EIF4G3: variants seen among roughly 807,000 people sequenced by gnomAD.
The protein encoded by EIF4G3 is eIF-4-gamma 3.
A neutral mutation model predicts 186.4 loss-of-function variants in EIF4G3; 34 were observed. The ratio of observed to expected loss-of-function variants is 0.18; its 90% CI spans 0.14 to 0.24. EIF4G3 has a LOEUF of 0.24. Among genes scored for constraint, EIF4G3 ranks in the 10% least tolerant of loss-of-function variants. The probability of loss-of-function intolerance (pLI) is 1.00; values close to 1 mark genes in which losing one functional copy is unlikely to be tolerated. For synonymous variants in EIF4G3, 673 were observed against 679.5 expected (o/e 0.99, Z 0.15); for missense variants, 1,536 against 1,948.5 (o/e 0.79, Z 3.99).
chr1:21,030,409 A>T (rs1230529141), intron 4 of EIF4G3, among the ~76,000 whole-genome samples: 2 of 152,136 alleles, frequency 1.3e-5, no homozygotes, highest in Non-Finnish European at 2.9e-5. Flanking sequence ...TGCCCTACAC[A>T]AGCTCCCTTT....
intron 2 of EIF4G3, among the ~76,000 whole-genome samples, chr1:21,166,853 C>T (rs1436324611): frequency 6.6e-6 from 1 of 152,088 alleles, no homozygotes; most frequent in African/African-American, 2.4e-5. Flanking sequence ...GCAATCATGG[C>T]TCACTGCAGC....
At chr1:21,041,427 A>T (rs2093574665) in intron 4 of EIF4G3, among the ~76,000 whole-genome samples, 1 of 152,124 alleles carries the variant, frequency 6.6e-6, no homozygotes, top group African/African-American at 2.4e-5. Flanking sequence ...AGTATAACAA[A>T]TTCATGTATT....
At chr1:20,836,620 G>A (rs764117015) in intron 30 of EIF4G3, among the ~76,000 whole-genome samples, 1 of 152,182 alleles carries the variant, frequency 6.6e-6, no homozygotes, top group East Asian at 1.9e-4. Flanking sequence ...TCAAGGAAGA[G>A]ATAAGAATTT....
intron 3 of EIF4G3, among the ~76,000 whole-genome samples, chr1:21,053,524 G>A (rs1477403812): frequency 4.7e-4 from 67 of 141,936 alleles, no homozygotes; most frequent in Admixed American, 1.2e-3. Flanking sequence ...CCGGCCAGCC[G>A]CCCCGTCCGG....
chr1:20,830,856 TA>T (rs1195222355), intron 30 of EIF4G3, among the ~76,000 whole-genome samples: 3 of 152,056 alleles, frequency 2.0e-5, no homozygotes, highest in African/African-American at 7.2e-5. Flanking sequence ...GTAAGAAGCT[TA>T]TTTTTTTTTC....
rs569904307 is a variant in EIF4G3, at chr1:21,013,404, AT to A, written c.-66-10597del. Among the ~76,000 whole-genome samples, 256 of 152,288 alleles carry A rather than the reference AT, an allele frequency of 1.7e-3. 1 individual carries two copies. The highest frequency in any genetic ancestry group is 5.7e-3 in the African/African-American group (238 of 41,560). On this transcript the variant is annotated intron_variant, in intron 4 of 36. Transcript: ENST00000602326. ...GTTGCCCTTGCTCCAATCCCTCCTC[AT>A]TGAGGCCAAGTTGGGAGGAATCCAC...
At chr1:21,063,487 C>CA (rs2095042162) in intron 3 of EIF4G3, among the ~76,000 whole-genome samples, 1 of 151,940 alleles carries the variant, frequency 6.6e-6, no homozygotes, top group African/African-American at 2.4e-5. Context: ...CAAGTAAATA[C>CA]ATTCTTAAAA....
At chr1:21,168,645 C>G (rs1024392488) in intron 2 of EIF4G3, among the ~76,000 whole-genome samples, 2 of 151,870 alleles carry the variant, frequency 1.3e-5, no homozygotes, top group Non-Finnish European at 2.9e-5. Flanking sequence ...AGGCTGGTCT[C>G]AAATTCCTAG....
At chr1:20,881,243 CAAATGGTGCTG>C (rs2082227915) in intron 19 of EIF4G3, among the ~76,000 whole-genome samples, 2 of 152,116 alleles carry the variant, frequency 1.3e-5, no homozygotes, top group Admixed American at 1.3e-4. Flanking sequence ...ATCTTTTCAA[CAAATGGTGCTG>C]GAACAACTGG....
At chr1:20,916,711 T>C (rs1465769557) in intron 14 of EIF4G3, among the ~76,000 whole-genome samples, 1 of 152,160 alleles carries the variant, frequency 6.6e-6, no homozygotes, top group Non-Finnish European at 1.5e-5. Flanking sequence ...TTAAGACTTA[T>C]TACAAAGCTT....
chr1:20,858,735 G>A (rs1436114829), intron 24 of EIF4G3, among the ~76,000 whole-genome samples: 1 of 152,130 alleles, frequency 6.6e-6, no homozygotes, highest in Non-Finnish European at 1.5e-5. Context: ...GGTGGCTCAC[G>A]CCTGTAATCC....
chr1:20,814,561 C>CT, intron 34 of EIF4G3, among the ~76,000 whole-genome samples: 1 of 152,178 alleles, frequency 6.6e-6, no homozygotes, highest in Middle Eastern at 3.4e-3. Context: ...TTAATGACTA[C>CT]TTACTCAGAA....
chr1:20,842,913 T>C (rs1396038769), intron 29 of EIF4G3, among the ~76,000 whole-genome samples: 2 of 150,990 alleles, frequency 1.3e-5, no homozygotes, highest in Non-Finnish European at 3.0e-5. Flanking sequence ...GGCATGATTA[T>C]AGATCACTGC....
At chr1:20,895,959 T>G (rs1572359592) in intron 16 of EIF4G3, among the ~76,000 whole-genome samples, 1 of 151,726 alleles carries the variant, frequency 6.6e-6, no homozygotes, top group Non-Finnish European at 1.5e-5. Context: ...ACTGTTATAA[T>G]AGATGACAGC....
intron 4 of EIF4G3, among the ~76,000 whole-genome samples, chr1:21,036,472 G>A (rs1235535545): frequency 6.6e-6 from 1 of 152,146 alleles, no homozygotes; most frequent in Non-Finnish European, 1.5e-5. Context: ...ACAAAAAAAA[G>A]AGCATGAATC....
At chr1:20,997,332 T>C (rs1213753391) in intron 7 of EIF4G3, among the ~76,000 whole-genome samples, 5 of 150,478 alleles carry the variant, frequency 3.3e-5, no homozygotes, top group Non-Finnish European at 7.4e-5. Context: ...TTTTTCAAAA[T>C]TGTAAAATTT....
rs750015478 is a variant in EIF4G3, at chr1:20,865,234, C to T, written c.2651G>A (p.Gly884Asp). ...CAGCTTCCGGAAATTCACTGTGTTACCAGGCTTGTCTGCCATGGGTACTTT... is the reference window on the plus strand; with the variant it reads ...CAGCTTCCGGAAATTCACTGTGTTATCAGGCTTGTCTGCCATGGGTACTTT... ...TLKVPMADKP[G>D]NTVNFRKLLL... The change falls in exon 21 of 37, where the codon GGT (glycine) becomes GAT (aspartate). Residue 884 changes from glycine to aspartate, a missense_variant. Gly to Asp is a moderately conservative substitution (Grantham distance 94). This residue lies in a region of EIF4G3 where 77 missense variants were observed against 131.6 expected (regional missense o/e 0.59). Transcript: ENST00000602326. 1.9e-6 allele frequency: 3 copies of T among 1,614,010 alleles called. No homozygotes were observed. Among genetic ancestry groups the T allele is most frequent in the South Asian group, 2.2e-5 (2 of 91,062 alleles).
At chr1:21,082,655 A>T (rs1347790782) in intron 3 of EIF4G3, among the ~76,000 whole-genome samples, 1 of 152,048 alleles carries the variant, frequency 6.6e-6, no homozygotes, top group Non-Finnish European at 1.5e-5. Context: ...TAATCCCAGC[A>T]CTTTGAGTGG....
intron 31 of EIF4G3, among the ~76,000 whole-genome samples, chr1:20,828,206 CATT>C (rs1230002697): frequency 6.6e-6 from 1 of 151,730 alleles, no homozygotes. Context: ...ATAATTTTTG[CATT>C]TTAGTAGAGA....
Sources: gnomAD v4.1 joint callset for allele counts (sites outside exome capture counted in the v4.1 genomes callset) on GRCh38, gnomAD v4.1.1 for gene constraint, gnomAD v4.1.1 regional missense constraint, MANE v1.5 for transcripts, NCBI Gene and HGNC (gene_info 2026-07-23, HGNC 2026-07-21) for gene names.